Variants in PRDM5 observed in about 807,000 individuals in gnomAD.
PRDM5 encodes PR/SET domain 5.
Under a neutral mutation model 81.2 loss-of-function variants are expected in PRDM5, and 56 were observed. The observed-to-expected ratio is 0.69, with a 90% CI of 0.56 to 0.86. The LOEUF is 0.86. Ranked by LOEUF, PRDM5 falls within the 40% of genes least tolerant of loss-of-function variation. PRDM5 has a pLI of 0.00. For missense variants in PRDM5, 697 were observed against 770.1 expected, an observed-to-expected ratio of 0.91 and a Z score of 1.12; for synonymous variants, 267 against 256.4, an observed-to-expected ratio of 1.04 and a Z score of -0.39.
At chr4:120,811,961 A>T (rs186758484) in intron 7 of PRDM5, among the ~76,000 whole-genome samples, 1 of 152,264 alleles carries the variant, frequency 6.6e-6, no homozygotes, top group East Asian at 1.9e-4. Context: ...ATCAAATAAT[A>T]GATCGTATTC....
rs1407374996 is a variant in PRDM5 at position 120,888,039 on chromosome 4, G to A, written c.177+19435C>T. On this transcript the variant is annotated intron_variant, in intron 2 of 15. Coordinates refer to ENST00000264808, the MANE Select transcript of PRDM5 (RefSeq NM_018699.4). ...GATCTCCTGACCTCGTGATCCGCCCGCCTCGGCCTCCCAAAGTGCTGGGAT... is the reference window on the plus strand; with the variant it reads ...GATCTCCTGACCTCGTGATCCGCCCACCTCGGCCTCCCAAAGTGCTGGGAT... 5.4e-5 allele frequency among the ~76,000 whole-genome samples: 3 copies of A among 55,750 alleles called. 1 individual carries two copies. Among genetic ancestry groups the A allele is most frequent in the African/African-American group, 3.8e-4 (2 of 5,330 alleles). The allele number at this position is 55,750 out of a possible 152,430, so 36.6% of individuals were successfully genotyped here.
intron 15 of PRDM5, among the ~76,000 whole-genome samples, chr4:120,704,799 C>T (rs776982740): frequency 3.3e-5 from 5 of 151,806 alleles, no homozygotes; most frequent in Admixed American, 6.6e-5. Context: ...GGATGCATCG[C>T]GGTTTATCAT....
At chr4:120,855,659 C>G (rs1047543944) in intron 2 of PRDM5, among the ~76,000 whole-genome samples, 1 of 152,190 alleles carries the variant, frequency 6.6e-6, no homozygotes, top group African/African-American at 2.4e-5. Flanking sequence ...CTTTCAGGTA[C>G]CCTCACAGCA....
In PRDM5 at chr4:120,922,710, G is replaced by T. The variant is rs987570650; in HGVS notation, c.-102C>A. 6 of 1,455,872 alleles carry T rather than the reference G, an allele frequency of 4.1e-6. No individual in the cohort carries two copies. Among genetic ancestry groups the T allele is most frequent in the African/African-American group, 1.4e-5 (1 of 70,586 alleles). The allele number at this position is 1,455,872 out of a possible 1,614,324, so 90.2% of individuals were successfully genotyped here. A position where few individuals can be genotyped will look rare whatever the true frequency, so the allele number is the denominator to read the frequency against. On this transcript the variant is annotated 5_prime_UTR_variant, in exon 1 of 16. Transcript: ENST00000264808. Reference sequence around the variant, plus strand: ...GTGCCAGGGTAGAGGGGAGAAACCGGCAGGGAAGGAGGAAATGGAGTTTTC... The same window carrying T: ...GTGCCAGGGTAGAGGGGAGAAACCGTCAGGGAAGGAGGAAATGGAGTTTTC...
chr4:120,877,324 C>A lies in PRDM5; in HGVS notation c.178-23784G>T, dbSNP rs569171167. Reference sequence around the variant, plus strand: ...CCATGGCTATTTCCATGTACCACATCACTTAGGTTGAAATTTTAACTGAAT... The same window carrying A: ...CCATGGCTATTTCCATGTACCACATAACTTAGGTTGAAATTTTAACTGAAT... On this transcript the variant is annotated intron_variant, in intron 2 of 15. Coordinates refer to ENST00000264808, the MANE Select transcript of PRDM5 (RefSeq NM_018699.4). Among the ~76,000 whole-genome samples the A allele has an allele frequency of 1.3e-3, 196 of 152,294 alleles. 1 individual carries two copies. Among genetic ancestry groups the A allele is most frequent in the Admixed American group, 1.2e-3 (19 of 15,298 alleles).
chr4:120,797,995 G>T lies in PRDM5; in HGVS notation c.1188+272C>A, dbSNP rs1006814828. Among the ~76,000 whole-genome samples the T allele has an allele frequency of 9.9e-5, 15 of 152,190 alleles. 1 individual carries two copies. Among genetic ancestry groups the T allele is most frequent in the South Asian group, 4.1e-4 (2 of 4,824 alleles). On this transcript the variant is annotated intron_variant, in intron 10 of 15. Coordinates refer to ENST00000264808, the MANE Select transcript of PRDM5 (RefSeq NM_018699.4). ...CATCAAAGTTTATGGAAAGAAGGAAGAGAATAAAGACTTCACAATTAGTAA... is the reference window on the plus strand; with the variant it reads ...CATCAAAGTTTATGGAAAGAAGGAATAGAATAAAGACTTCACAATTAGTAA...
intron 12 of PRDM5, among the ~76,000 whole-genome samples, chr4:120,778,008 C>G (rs1317638659): frequency 6.6e-6 from 1 of 152,000 alleles, no homozygotes; most frequent in Non-Finnish European, 1.5e-5. Context: ...ATTAGGAGAC[C>G]AGTTTTGCTC....
In PRDM5 at chr4:120,695,125, C is replaced by T; in HGVS notation, c.1879G>A (p.Val627Ile). 1 of 1,612,964 alleles carries T rather than the reference C, an allele frequency of 6.2e-7. No individual in the cohort carries two copies. Among genetic ancestry groups the T allele is most frequent in the Non-Finnish European group, 8.5e-7 (1 of 1,179,086 alleles). ...TACAGCCCCTATTAGCTGTCAGCTA[C>T]ACCATGGATATTGTCCATGTGCACT... ...LKVHMDNIHG[V>I]ADS Residue 627 changes from valine to isoleucine, a missense_variant, in exon 16 of 16, where the codon GTA (valine) becomes ATA (isoleucine). Transcript: ENST00000264808.
At chr4:120,867,361 A>G (rs1236364515) in intron 2 of PRDM5, among the ~76,000 whole-genome samples, 2 of 152,224 alleles carry the variant, frequency 1.3e-5, no homozygotes, top group African/African-American at 4.8e-5. Flanking sequence ...TTATAAAATA[A>G]AATTTTAAAA....
At chr4:120,882,241 G>A (rs1232365765) in intron 2 of PRDM5, among the ~76,000 whole-genome samples, 1 of 152,160 alleles carries the variant, frequency 6.6e-6, no homozygotes, top group Non-Finnish European at 1.5e-5. Context: ...TCCGCCTCCC[G>A]GGTTCAAGCG....
intron 10 of PRDM5, among the ~76,000 whole-genome samples, chr4:120,793,592 T>C (rs933721808): frequency 6.6e-6 from 1 of 152,200 alleles, no homozygotes. Flanking sequence ...TAATAATGTA[T>C]TGTACTTGAA....
intron 3 of PRDM5, among the ~76,000 whole-genome samples, chr4:120,825,417 T>C (rs1042911650): frequency 6.6e-6 from 1 of 152,158 alleles, no homozygotes; most frequent in African/African-American, 2.4e-5. Flanking sequence ...ACAATTCGTT[T>C]GGTCAAAATG....
At chr4:120,885,127 T>C (rs1579110890) in intron 2 of PRDM5, among the ~76,000 whole-genome samples, 1 of 88,660 alleles carries the variant, frequency 1.1e-5, no homozygotes, top group Non-Finnish European at 2.0e-5. Flanking sequence ...AGAGCAAGAC[T>C]CCGTATCAAA....
chr4:120,789,813 G>C (rs527837677), intron 10 of PRDM5, among the ~76,000 whole-genome samples: 5 of 152,288 alleles, frequency 3.3e-5, no homozygotes, highest in African/African-American at 1.2e-4. Flanking sequence ...GCTCAGTAGA[G>C]AAATGGGTAG....
At chr4:120,788,683 T>A (rs1750119496) in intron 10 of PRDM5, among the ~76,000 whole-genome samples, 1 of 152,208 alleles carries the variant, frequency 6.6e-6, no homozygotes, top group South Asian at 2.1e-4. Flanking sequence ...TGAAAGAACC[T>A]GGGACAGCAT....
At chr4:120,919,955 G>GA (rs1421616829) in intron 1 of PRDM5, among the ~76,000 whole-genome samples, 5 of 151,558 alleles carry the variant, frequency 3.3e-5, no homozygotes, top group African/African-American at 9.7e-5. Context: ...TTTTATACTG[G>GA]AAAAAAAATC....
intron 2 of PRDM5, among the ~76,000 whole-genome samples, chr4:120,889,988 T>C (rs1256994864): frequency 1.3e-5 from 2 of 152,234 alleles, no homozygotes; most frequent in African/African-American, 4.8e-5. Context: ...CTACTGTGAA[T>C]AGTGCTGTGA....
intron 2 of PRDM5, among the ~76,000 whole-genome samples, chr4:120,897,505 A>T (rs557720103): frequency 6.6e-6 from 1 of 152,280 alleles, no homozygotes; most frequent in Admixed American, 6.5e-5. Flanking sequence ...TAATGTTTTT[A>T]AAAAGTCCTG....
intron 8 of PRDM5, among the ~76,000 whole-genome samples, chr4:120,809,302 T>G (rs1350574755): frequency 6.6e-6 from 1 of 151,918 alleles, no homozygotes; most frequent in East Asian, 1.9e-4. Flanking sequence ...AAATGACAAG[T>G]CAATGGGTGC....
Sources: gnomAD v4.1 joint callset for allele counts (sites outside exome capture counted in the v4.1 genomes callset) on GRCh38, gnomAD v4.1.1 for gene constraint, MANE v1.5 for transcripts, NCBI Gene and HGNC (gene_info 2026-07-23, HGNC 2026-07-21) for gene names.